LRCH1: variants seen among roughly 807,000 people sequenced by gnomAD.
LRCH1 encodes leucine-rich repeat and calponin homology domain-containing protein 1.
In LRCH1, 23 loss-of-function variants were observed where a neutral mutation model predicts 94.9. That is an observed-to-expected ratio of 0.24 (90% CI 0.17 to 0.34). LRCH1 has a LOEUF of 0.34. Ranked by LOEUF, LRCH1 falls within the 10% of genes least tolerant of loss-of-function variation. LRCH1 has a pLI of 1.00. For missense variants in LRCH1, 790 were observed against 945.9 expected, an observed-to-expected ratio of 0.84 and a Z score of 2.16; for synonymous variants, 364 against 354.9, an observed-to-expected ratio of 1.03 and a Z score of -0.29.
chr13:46,713,841 G>C (rs1487246597), intron 15 of LRCH1, among the ~76,000 whole-genome samples: 1 of 152,186 alleles, frequency 6.6e-6, no homozygotes, highest in Non-Finnish European at 1.5e-5. Context: ...AACCCACCAG[G>C]AGACTTATTT....
chr13:46,641,652 C>T (rs933619348), intron 1 of LRCH1, among the ~76,000 whole-genome samples: 2 of 152,190 alleles, frequency 1.3e-5, no homozygotes, highest in African/African-American at 4.8e-5. Flanking sequence ...CTGTCCTGGT[C>T]TGTCGGCATG....
chr13:46,673,297 G>C (rs1292174492), intron 3 of LRCH1, among the ~76,000 whole-genome samples: 10 of 152,030 alleles, frequency 6.6e-5, no homozygotes, highest in Non-Finnish European at 1.5e-5. Context: ...GAGCAAGCGT[G>C]ATCTTTGGAA....
intron 1 of LRCH1, among the ~76,000 whole-genome samples, chr13:46,559,034 T>C (rs1323265600): frequency 6.6e-6 from 1 of 152,254 alleles, no homozygotes; most frequent in Non-Finnish European, 1.5e-5. Context: ...TCTTGAAGGC[T>C]GACTTCCACA....
intron 18 of LRCH1, 91 bp from the exon 19 acceptor site, chr13:46,733,823 GTATTGCT>G (rs1394222324): frequency 3.1e-6 from 2 of 650,306 alleles, no homozygotes; most frequent in Non-Finnish European, 5.2e-6. Flanking sequence ...CAATAAACAT[GTATTGCT>G]TGTGCCATTT....
At chr13:46,662,851 C>A (rs1184155949) in intron 2 of LRCH1, among the ~76,000 whole-genome samples, 1 of 152,204 alleles carries the variant, frequency 6.6e-6, no homozygotes, top group Non-Finnish European at 1.5e-5. Flanking sequence ...ATGACTGTTG[C>A]AGAAATTTGC....
At position 46,742,088 on chromosome 13, in the gene LRCH1, A is replaced by T. The variant is rs1873691723; in HGVS notation, c.*240A>T. The T allele has an allele frequency of 1.5e-6, 2 of 1,364,876 alleles. No individual in the cohort carries two copies. The allele number at this position is 1,364,876 out of a possible 1,614,324, so 84.5% of individuals were successfully genotyped here. A position where few individuals can be genotyped will look rare whatever the true frequency, so the allele number is the denominator to read the frequency against. ...ACGACGACGACTGCAAAGTGTATGC[A>T]CACCGCATGCTTCCTCATCCACATA... On this transcript the variant is annotated 3_prime_UTR_variant, in exon 20 of 20. Transcript: ENST00000389797.
At chr13:46,692,388 C>T in intron 7 of LRCH1, 148 bp from the exon 8 acceptor site, 1 of 510,200 alleles carries the variant, frequency 2.0e-6, no homozygotes, top group Non-Finnish European at 3.4e-6. Context: ...TTTGAACTTA[C>T]ATAAGTGGAA....
chr13:46,725,789 C>T (rs1156827264), intron 17 of LRCH1, among the ~76,000 whole-genome samples: 1 of 152,228 alleles, frequency 6.6e-6, no homozygotes, highest in African/African-American at 2.4e-5. Context: ...AGTCAAACCT[C>T]TGTCATTTGC....
At chr13:46,746,410 T>G (rs1252534005), downstream of LRCH1, among the ~76,000 whole-genome samples, 2 of 152,142 alleles carry the variant, frequency 1.3e-5, no homozygotes, top group East Asian at 3.9e-4. Flanking sequence ...GGGATATGGG[T>G]GAACCTAACA....
chr13:46,615,692 CG>C lies in LRCH1; in HGVS notation c.308-34508del, dbSNP rs1176349068. 2.6e-5 allele frequency among the ~76,000 whole-genome samples: 4 copies of C among 152,214 alleles called. 1 individual carries two copies. In the East Asian group the frequency reaches 7.7e-4, roughly 29 times the overall value. On this transcript the variant is annotated intron_variant, in intron 1 of 19. Transcript: ENST00000389797. ...TCCCAAGACTAAAAAGGGTTTTCAG[CG>C]CAAGTGTTCTCGTAATGTTTTTGTC... is the stretch of plus-strand genomic sequence containing the variant.
chr13:46,600,066 A>G (rs530140966), intron 1 of LRCH1, among the ~76,000 whole-genome samples: 1 of 152,328 alleles, frequency 6.6e-6, no homozygotes, highest in South Asian at 2.1e-4. Flanking sequence ...TTGTATTTTC[A>G]GTAGAGACAG....
intron 1 of LRCH1, among the ~76,000 whole-genome samples, chr13:46,633,144 A>T (rs1304487152): frequency 1.3e-5 from 2 of 152,226 alleles, no homozygotes; most frequent in Admixed American, 1.3e-4. Flanking sequence ...AACTTTAAAA[A>T]TTGGAAAATC....
At chr13:46,669,620 G>A in intron 3 of LRCH1, among the ~76,000 whole-genome samples, 1 of 152,212 alleles carries the variant, frequency 6.6e-6, no homozygotes, top group African/African-American at 2.4e-5. Flanking sequence ...ATTTTAAAAT[G>A]TGACCGTGTC....
chr13:46,685,022 T>C (rs1870532606), intron 4 of LRCH1, among the ~76,000 whole-genome samples: 1 of 152,212 alleles, frequency 6.6e-6, no homozygotes, highest in South Asian at 2.1e-4. Context: ...CTTCGTCCAC[T>C]TTAGAATTCC....
At chr13:46,650,056 C>T in intron 1 of LRCH1, 145 bp from the exon 2 acceptor site, 1 of 466,462 alleles carries the variant, frequency 2.1e-6, no homozygotes, top group Non-Finnish European at 3.6e-6. Context: ...ATAGAAATCA[C>T]AGTGCTGTAG....
intron 1 of LRCH1, among the ~76,000 whole-genome samples, chr13:46,630,522 A>T (rs1342892806): frequency 6.6e-6 from 1 of 152,246 alleles, no homozygotes; most frequent in African/African-American, 2.4e-5. Context: ...TTATTTAAGA[A>T]TCCAAGATAC....
intron 1 of LRCH1, among the ~76,000 whole-genome samples, chr13:46,609,911 G>A (rs1295296513): frequency 6.6e-6 from 1 of 152,192 alleles, no homozygotes; most frequent in Non-Finnish European, 1.5e-5. Context: ...CCCATTGGAA[G>A]CGTTAAACAA....
chr13:46,614,280 G>A (rs541448127), intron 1 of LRCH1, among the ~76,000 whole-genome samples: 1 of 152,042 alleles, frequency 6.6e-6, no homozygotes, highest in Admixed American at 6.6e-5. Flanking sequence ...TGCCCCTCCC[G>A]ATTATGCCTT....
chr13:46,568,758 A>G (rs1020966585), intron 1 of LRCH1, among the ~76,000 whole-genome samples: 20 of 152,194 alleles, frequency 1.3e-4, no homozygotes, highest in Admixed American at 1.0e-3. Context: ...GAAACATTCT[A>G]TGTCTTAGAA....
Sources: gnomAD v4.1 joint callset for allele counts (sites outside exome capture counted in the v4.1 genomes callset) on GRCh38, gnomAD v4.1.1 for gene constraint, MANE v1.5 for transcripts, NCBI Gene and HGNC (gene_info 2026-07-23, HGNC 2026-07-21) for gene names.